MIER2: variants seen among roughly 807,000 people sequenced by gnomAD.
MIER2 encodes the protein mesoderm induction early response protein 2.
MIER2 carries 30 observed loss-of-function variants against 67.6 expected under a neutral mutation model. The observed-to-expected ratio is 0.44, with a 90% CI of 0.33 to 0.60. The LOEUF (loss-of-function observed/expected upper bound fraction) is 0.60. Among genes scored for constraint, MIER2 ranks in the 20% least tolerant of loss-of-function variants. The probability of loss-of-function intolerance (pLI) is 0.02; values close to 1 mark genes in which losing one functional copy is unlikely to be tolerated. For synonymous variants in MIER2, 372 were observed against 312.6 expected (o/e 1.19, Z -2.00); for missense variants, 702 against 745.1 (o/e 0.94, Z 0.67).
rs149455554 is a variant in MIER2, at chr19:342,309, G to C, written c.9+2465C>G. Among the ~76,000 whole-genome samples, 251 of 152,274 alleles carry C rather than the reference G, an allele frequency of 1.6e-3. No homozygotes were observed. The Middle Eastern group carries it at 0.017, about 10-fold the overall frequency. ...AGTTTTGGACACAGACAACAAACAA[G>C]TGGACATGTATGGTACCGAGAAGAG... On this transcript the variant is annotated intron_variant, in intron 1 of 13. Transcript: ENST00000264819.
At chr19:323,382 CCACA>C (rs1971585138) in intron 7 of MIER2, among the ~76,000 whole-genome samples, 1 of 151,128 alleles carries the variant, frequency 6.6e-6, no homozygotes, top group Non-Finnish European at 1.5e-5. Flanking sequence ...ACACACACAA[CCACA>C]CAGATGACTC....
At chr19:338,068 A>T (rs1429379350) in intron 1 of MIER2, among the ~76,000 whole-genome samples, 1 of 141,862 alleles carries the variant, frequency 7.0e-6, no homozygotes, top group African/African-American at 2.6e-5. Flanking sequence ...GTTACTCGGG[A>T]GGCTGAGGCA....
Position 323,234 on chromosome 19 carries a change from TAC to T in MIER2, c.655+2399_655+2400del, listed in dbSNP as rs1312208832. On this transcript the variant is annotated intron_variant, in intron 7 of 13. Transcript: ENST00000264819. ...ACAACCACGCAGACAACTCGAATGA[TAC>T]AGTCGTCATCATAATGCAATACACA... Among the ~76,000 whole-genome samples, 71 of 110,792 alleles carry T rather than the reference TAC, an allele frequency of 6.4e-4. 1 individual carries two copies. The highest frequency in any genetic ancestry group is 2.2e-3 in the African/African-American group (64 of 28,698). The allele number at this position is 110,792 out of a possible 152,430, so 72.7% of individuals were successfully genotyped here.
Position 313,637 on chromosome 19 carries a change from T to C in MIER2, c.662A>G (p.Glu221Gly). The change falls in exon 8 of 14, where the codon GAG (glutamate) becomes GGG (glycine). Residue 221 changes from glutamate to glycine, a missense_variant. Glu to Gly is a moderately conservative substitution (Grantham distance 98). Transcript: ENST00000264819. ...GTCCCAGAGCAGCTGGTCTTCGTTCTCGTAGACTGCACAAGCAGAGGGCAA... is the reference window on the plus strand; with the variant it reads ...GTCCCAGAGCAGCTGGTCTTCGTTCCCGTAGACTGCACAAGCAGAGGGCAA... ...HLNRHCEKIY[E>G]NEDQLLWDPS... 1 of 1,611,048 alleles carries C rather than the reference T, an allele frequency of 6.2e-7. No individual in the cohort carries two copies. Among genetic ancestry groups the C allele is most frequent in the Non-Finnish European group, 8.5e-7 (1 of 1,179,808 alleles).
At chr19:320,497 T>G (rs1301607902) in intron 7 of MIER2, among the ~76,000 whole-genome samples, 1 of 152,204 alleles carries the variant, frequency 6.6e-6, no homozygotes, top group African/African-American at 2.4e-5. Flanking sequence ...AATGTGTCAT[T>G]GCAGGGGTTC....
chr19:324,861 C>G (rs1326068671), intron 7 of MIER2, among the ~76,000 whole-genome samples: 1 of 152,224 alleles, frequency 6.6e-6, no homozygotes, highest in East Asian at 1.9e-4. Flanking sequence ...AGTGTCCCCT[C>G]CGACCCTGCC....
At chr19:310,332 G>A (rs531066899) in intron 10 of MIER2, among the ~76,000 whole-genome samples, 4 of 152,356 alleles carry the variant, frequency 2.6e-5, no homozygotes, top group Admixed American at 1.3e-4. Context: ...GGGCGAGACC[G>A]AGACAACCTC....
intron 7 of MIER2, among the ~76,000 whole-genome samples, chr19:324,075 C>T (rs1971619750): frequency 7.6e-6 from 1 of 130,784 alleles, no homozygotes; most frequent in Non-Finnish European, 1.6e-5. Context: ...ACACACACAA[C>T]CACGCAGACG....
Position 326,740 on chromosome 19 carries a change from C to A in MIER2, c.494-142G>T. On this transcript the variant is annotated intron_variant, in intron 5 of 13. Transcript: ENST00000264819. ...GCCAGACATTGGGTAAACAGATGGG[C>A]ACAGGACCCAGGACCAGGGATGCAC... is the stretch of plus-strand genomic sequence containing the variant. 3 of 682,970 alleles carry A rather than the reference C, an allele frequency of 4.4e-6. No homozygotes were observed. The South Asian group carries it at 5.3e-5, about 12-fold the overall frequency. The allele number at this position is 682,970 out of a possible 1,614,324, so 42.3% of individuals were successfully genotyped here. A position where few individuals can be genotyped will look rare whatever the true frequency, so the allele number is the denominator to read the frequency against.
At chr19:336,325 C>T (rs1180117336) in intron 1 of MIER2, 152 bp from the exon 2 acceptor site, 2 of 640,500 alleles carry the variant, frequency 3.1e-6, no homozygotes, top group East Asian at 2.8e-5. Context: ...CTGGGGGGCA[C>T]TAGGAGCAGC....
At chr19:317,969 C>G (rs943727706) in intron 7 of MIER2, among the ~76,000 whole-genome samples, 1 of 152,058 alleles carries the variant, frequency 6.6e-6, no homozygotes, top group African/African-American at 2.4e-5. Context: ...ATTGGGAGGC[C>G]GAAGTGGGCA....
chr19:322,502 A>G (rs886622804), intron 7 of MIER2, among the ~76,000 whole-genome samples: 10 of 152,216 alleles, frequency 6.6e-5, no homozygotes, highest in African/African-American at 2.2e-4. Context: ...ACTACAAATC[A>G]GAAAGGGAAA....
intron 4 of MIER2, 45 bp downstream of exon 4, chr19:327,819 C>G: frequency 6.2e-7 from 1 of 1,606,462 alleles, no homozygotes; most frequent in South Asian, 1.1e-5. Context: ...GCCAGGCCCC[C>G]CCACCTTCAG....
At chr19:342,128 C>G (rs949430913) in intron 1 of MIER2, among the ~76,000 whole-genome samples, 2 of 152,222 alleles carry the variant, frequency 1.3e-5, no homozygotes, top group Non-Finnish European at 2.9e-5. Context: ...CCCACCCACA[C>G]CAACTCAAGT....
In MIER2 at chr19:310,942, G is replaced by A. The variant is rs530487242; in HGVS notation, c.984+903C>T. Reference sequence around the variant, plus strand: ...CACTCCAGCCACACCTCGCCCCGCTGTCTCCAATCAAAACACCACGTGGTG... The same window carrying A: ...CACTCCAGCCACACCTCGCCCCGCTATCTCCAATCAAAACACCACGTGGTG... On this transcript the variant is annotated intron_variant, in intron 10 of 13. Transcript: ENST00000264819. Among the ~76,000 whole-genome samples, 23 of 152,352 alleles carry A rather than the reference G, an allele frequency of 1.5e-4. No individual in the cohort carries two copies. The Middle Eastern group carries it at 0.01, about 68-fold the overall frequency.
In MIER2 at chr19:336,034, C is replaced by A. The variant is rs1471138302; in HGVS notation, c.100+49G>T. On this transcript the variant is annotated intron_variant, in intron 2 of 13. Transcript: ENST00000264819. ...CCAGCAGGCATTCTGTCTCTCACAG[C>A]CACAAAGGCCTTGGCGGACCTGAGC... 3.8e-6 allele frequency: 6 copies of A among 1,568,244 alleles called. No individual in the cohort carries two copies. The Admixed American group carries it at 8.5e-5, about 22-fold the overall frequency.
chr19:334,648 A>G, intron 2 of MIER2, 106 bp from the exon 3 acceptor site: 2 of 1,453,140 alleles, frequency 1.4e-6, no homozygotes, highest in Non-Finnish European at 1.8e-6. Context: ...GGCCCTCTGC[A>G]TGCTGCCAGG....
chr19:314,207 G>T (rs192919784), intron 7 of MIER2, among the ~76,000 whole-genome samples: 1 of 152,234 alleles, frequency 6.6e-6, no homozygotes, highest in African/African-American at 2.4e-5. Flanking sequence ...GAAGAGCCAC[G>T]GCCAGAAGGT....
Position 312,239 on chromosome 19 carries a change from C to T in MIER2, c.841G>A (p.Val281Met), listed in dbSNP as rs1408876085. Residue 281 changes from valine (V) to methionine (M), a missense_variant, in exon 9 of 14, where the codon GTG (valine) becomes ATG (methionine). Around this residue, in one of 3 missense-constraint regions of MIER2, gnomAD observed 128 missense variants for 189.7 expected, o/e 0.67. Transcript: ENST00000264819. ...LYELVKCNFN[V>M]EEALRRLRFN... Reference sequence around the variant, plus strand: ...CGCAGCCTTCGCAGGGCCTCCTCCACATTGAAGTTGCATTTCACCAACTCG... The same window carrying T: ...CGCAGCCTTCGCAGGGCCTCCTCCATATTGAAGTTGCATTTCACCAACTCG... 30 of 1,613,874 alleles carry T rather than the reference C, an allele frequency of 1.9e-5. No individual in the cohort carries two copies. Among genetic ancestry groups the T allele is most frequent in the Non-Finnish European group, 2.4e-5 (28 of 1,179,910 alleles).
Sources: allele counts gnomAD v4.1 joint callset (sites outside exome capture counted in the v4.1 genomes callset), GRCh38; gene constraint gnomAD v4.1.1; regional missense constraint gnomAD v4.1.1; transcripts MANE v1.5; gene names NCBI Gene and HGNC (gene_info 2026-07-23, HGNC 2026-07-21).